The following TRIO variants were observed in gnomAD, a reference collection of about 807,000 sequenced individuals.
TRIO encodes triple functional domain protein.
TRIO carries 58 observed loss-of-function variants against 351.9 expected under a neutral mutation model. The observed-to-expected ratio is 0.16, with a 90% CI of 0.13 to 0.21. The LOEUF (loss-of-function observed/expected upper bound fraction) is 0.21. Among genes scored for constraint, TRIO ranks in the 10% least tolerant of loss-of-function variants. TRIO has a pLI of 1.00. For missense variants in TRIO, 3,201 were observed against 4,027.8 expected, an observed-to-expected ratio of 0.79 and a Z score of 5.56; for synonymous variants, 1,758 against 1,595.7, an observed-to-expected ratio of 1.10 and a Z score of -2.42.
intron 9 of TRIO, 45 bp downstream of exon 9, chr5:14,316,788 T>G: frequency 6.4e-7 from 1 of 1,556,278 alleles, no homozygotes; most frequent in Non-Finnish European, 8.7e-7. Flanking sequence ...TGGCTTGTGT[T>G]GAGTAGAGTT....
chr5:14,173,567 T>C (rs772559138), intron 1 of TRIO, among the ~76,000 whole-genome samples: 5 of 152,062 alleles, frequency 3.3e-5, no homozygotes, highest in Admixed American at 2.0e-4. Flanking sequence ...TTGTCTTCAT[T>C]TACAGAAGCA....
chr5:14,333,414 CT>C (rs1271979520), intron 10 of TRIO, among the ~76,000 whole-genome samples: 4 of 152,216 alleles, frequency 2.6e-5, no homozygotes, highest in African/African-American at 9.6e-5. Flanking sequence ...ATTTGTGTGC[CT>C]TTTAGGTGAT....
chr5:14,348,122 C>G (rs986742588), intron 11 of TRIO, among the ~76,000 whole-genome samples: 3 of 152,182 alleles, frequency 2.0e-5, no homozygotes, highest in Admixed American at 2.0e-4. Context: ...GTATTGTGTA[C>G]AGTTGTCCAG....
In TRIO at chr5:14,474,047, A is replaced by G; in HGVS notation, c.6033A>G (p.Lys2011=). The change falls in exon 40 of 57, where the codon AAA becomes AAG. Residue 2011 remains lysine, a synonymous_variant. Transcript: ENST00000344204. ...GTGTTCCTGATGACATGAAAGGAAA[A>G]GACAAAATTGTGTTCGGCAACATCC... The part of the protein sequence containing the change: ...EDGVPDDMKG[K]DKIVFGNIHQ... 3 of 1,613,518 alleles carry G rather than the reference A, an allele frequency of 1.9e-6. No individual in the cohort carries two copies. The highest frequency in any genetic ancestry group is 3.3e-5 in the Admixed American group (2 of 60,032).
intron 21 of TRIO, among the ~76,000 whole-genome samples, chr5:14,383,155 C>G (rs1746261103): frequency 6.6e-6 from 1 of 152,172 alleles, no homozygotes; most frequent in African/African-American, 2.4e-5. Context: ...GATCCTGTCT[C>G]TACAAAAAGA....
chr5:14,263,032 G>A (rs989002824), intron 1 of TRIO, among the ~76,000 whole-genome samples: 6 of 152,116 alleles, frequency 3.9e-5, no homozygotes, highest in African/African-American at 1.4e-4. Flanking sequence ...GCTTGCTCTG[G>A]CTGGAGTGCT....
In TRIO at chr5:14,336,543, A is replaced by G; in HGVS notation, c.1862A>G (p.Tyr621Cys). The change falls in exon 11 of 57, where the codon TAC becomes TGC. Residue 621 changes from tyrosine to cysteine, a missense_variant. Transcript: ENST00000344204. ...EDFEEVAQNTYTNADKLLEAA... is the reference protein window; with the variant it reads ...EDFEEVAQNTCTNADKLLEAA... The stretch of plus-strand genomic sequence containing the variant: ...GGATGTTCTCTTGTGCAGAACACAT[A>G]CACCAATGCGGATAAATTACTGGAA... 6.2e-7 allele frequency: 1 copy of G among 1,614,124 alleles called. No homozygotes were observed.
At position 14,397,053 on chromosome 5, in the gene TRIO, C is replaced by T. The variant is rs763926725; in HGVS notation, c.4322C>T (p.Thr1441Met). The change falls in exon 29 of 57, where the codon ACG (threonine) becomes ATG (methionine). Residue 1441 changes from threonine to methionine, a missense_variant. Physicochemically the swap from Thr to Met is moderately conservative, Grantham distance 81. Around this residue, in one of 19 missense-constraint regions of TRIO, gnomAD observed 115 missense variants for 239.6 expected, o/e 0.48. Coordinates refer to ENST00000344204, the MANE Select transcript of TRIO (RefSeq NM_007118.4). Reference sequence around the variant, plus strand: ...TGTTTATCTTTGCAGGAGCTGCTGACGTGCTGTGAGGAAGGAAAGGGAGAG... The same window carrying T: ...TGTTTATCTTTGCAGGAGCTGCTGATGTGCTGTGAGGAAGGAAAGGGAGAG... The part of the protein sequence containing the change: ...KYQLLLKELL[T>M]CCEEGKGEIK... 4.4e-6 allele frequency: 7 copies of T among 1,604,354 alleles called. No individual in the cohort carries two copies. Among genetic ancestry groups the T allele is most frequent in the Middle Eastern group, 1.7e-4 (1 of 6,036 alleles).
chr5:14,322,518 G>A (rs2152310320), intron 9 of TRIO, among the ~76,000 whole-genome samples: 1 of 152,314 alleles, frequency 6.6e-6, no homozygotes, highest in Non-Finnish European at 1.5e-5. Context: ...CACATCCCAG[G>A]TCTATAGAGA....
chr5:14,167,052 C>T (rs972056742), intron 1 of TRIO, among the ~76,000 whole-genome samples: 2 of 151,726 alleles, frequency 1.3e-5, no homozygotes, highest in African/African-American at 2.4e-5. Flanking sequence ...CCAGGCTCCC[C>T]GTGGACCCTA....
intron 1 of TRIO, among the ~76,000 whole-genome samples, chr5:14,210,214 G>A (rs1447413265): frequency 6.6e-6 from 1 of 152,206 alleles, no homozygotes; most frequent in African/African-American, 2.4e-5. Flanking sequence ...AAGGTTGGAA[G>A]TGTGAAATGG....
chr5:14,222,211 C>T (rs1792684626), intron 1 of TRIO, among the ~76,000 whole-genome samples: 1 of 151,404 alleles, frequency 6.6e-6, no homozygotes, highest in Non-Finnish European at 1.5e-5. Context: ...CAAATACTAC[C>T]ACACATTTAA....
intron 6 of TRIO, 38 bp downstream of exon 6, chr5:14,293,172 A>G (rs1225679488): frequency 6.2e-7 from 1 of 1,613,246 alleles, no homozygotes; most frequent in Non-Finnish European, 8.5e-7. Context: ...GGCATGTGAC[A>G]GTGTTTTAGC....
chr5:14,423,924 ATTTTTTT>A (rs577094390), intron 34 of TRIO, among the ~76,000 whole-genome samples: 1 of 118,184 alleles, frequency 8.5e-6, no homozygotes, highest in Non-Finnish European at 1.8e-5. Flanking sequence ...ACCCCATGGA[ATTTTTTT>A]TTTTTTTTTT....
chr5:14,177,423 T>C (rs1236427557), intron 1 of TRIO, among the ~76,000 whole-genome samples: 1 of 152,188 alleles, frequency 6.6e-6, no homozygotes, highest in Non-Finnish European at 1.5e-5. Flanking sequence ...TGATAATTCT[T>C]GGTATCTGAC....
At chr5:14,305,233 C>T (rs1738256494) in intron 8 of TRIO, among the ~76,000 whole-genome samples, 1 of 152,256 alleles carries the variant, frequency 6.6e-6, no homozygotes, top group South Asian at 2.1e-4. Flanking sequence ...CCCAGGCAGG[C>T]AGGCTGCATG....
intron 1 of TRIO, among the ~76,000 whole-genome samples, chr5:14,215,748 G>A (rs1016326867): frequency 2.6e-5 from 4 of 152,280 alleles, no homozygotes; most frequent in East Asian, 1.9e-4. Flanking sequence ...CTCCAATGGC[G>A]TGGGTTAAGT....
At chr5:14,180,670 CAAA>C (rs534173663) in intron 1 of TRIO, among the ~76,000 whole-genome samples, 12 of 151,830 alleles carry the variant, frequency 7.9e-5, no homozygotes, top group Non-Finnish European at 1.2e-4. Context: ...CCTATCTCTA[CAAA>C]AAAATAAAAA....
In TRIO at chr5:14,246,047, C is replaced by G. The variant is rs114601006; in HGVS notation, c.158-24778C>G. Among the ~76,000 whole-genome samples the G allele has an allele frequency of 5.7e-3, 866 of 152,298 alleles. 5 individuals are homozygous for G. Among genetic ancestry groups the G allele is most frequent in the African/African-American group, 0.02 (816 of 41,562 alleles). On this transcript the variant is annotated intron_variant, in intron 1 of 56. Transcript: ENST00000344204. The stretch of plus-strand genomic sequence containing the variant: ...ATATAAGGGGAAAAACACTCATTAT[C>G]CATTCCCTTGATTTACTTAAATCCC...
Sources: gnomAD v4.1 joint callset for allele counts (sites outside exome capture counted in the v4.1 genomes callset) on GRCh38, gnomAD v4.1.1 for gene constraint, gnomAD v4.1.1 regional missense constraint, MANE v1.5 for transcripts, NCBI Gene and HGNC (gene_info 2026-07-23, HGNC 2026-07-21) for gene names.